The following VAV2 variants were observed in gnomAD, a reference collection of about 807,000 sequenced individuals.
The protein encoded by VAV2 is vav guanine nucleotide exchange factor 2, also known as guanine nucleotide exchange factor VAV2.
A neutral mutation model predicts 132.5 loss-of-function variants in VAV2; 67 were observed. The ratio of observed to expected loss-of-function variants is 0.51; its 90% CI spans 0.42 to 0.62. VAV2 has a LOEUF of 0.62. Among genes scored for constraint, VAV2 ranks in the 20% least tolerant of loss-of-function variants. The pLI is 0.00. For missense variants in VAV2, 938 were observed against 1,153.6 expected, an observed-to-expected ratio of 0.81 and a Z score of 2.71; for synonymous variants, 492 against 443.5, an observed-to-expected ratio of 1.11 and a Z score of -1.37.
intron 1 of VAV2, among the ~76,000 whole-genome samples, chr9:133,990,883 C>T: frequency 6.6e-6 from 1 of 152,086 alleles, no homozygotes; most frequent in Admixed American, 6.5e-5. Context: ...GCTGGGTAAT[C>T]ATTACCCAGT....
At position 133,804,988 on chromosome 9, in the gene VAV2, G is replaced by T. The variant is rs921652259; in HGVS notation, c.836+1093C>A. ...CTCCAGGACCCTCCTCACAGGGAAG[G>T]GGGGAGCGCCTTTCCTGAAGCTACA... On this transcript the variant is annotated intron_variant, in intron 9 of 29. Transcript: ENST00000371850. The surrounding 1 kb of genome is among the most constrained non-coding windows in gnomAD (Gnocchi z 4.5). Among the ~76,000 whole-genome samples, 12 of 152,162 alleles carry T rather than the reference G, an allele frequency of 7.9e-5. No individual in the cohort carries two copies. The highest frequency in any genetic ancestry group is 3.9e-4 in the Admixed American group (6 of 15,286).
intron 2 of VAV2, among the ~76,000 whole-genome samples, chr9:133,930,251 C>T (rs1387397591): frequency 6.6e-6 from 1 of 152,162 alleles, no homozygotes; most frequent in Non-Finnish European, 1.5e-5. Flanking sequence ...TCCTCACTGC[C>T]TCCCGGCCTC....
intron 1 of VAV2, among the ~76,000 whole-genome samples, chr9:133,980,211 GGA>G (rs1842650106): frequency 6.6e-6 from 1 of 152,214 alleles, no homozygotes; most frequent in Non-Finnish European, 1.5e-5. Context: ...TTTTGCCGGT[GGA>G]GGGGGGAAGT....
At chr9:133,916,325 G>A (rs12335977) in intron 2 of VAV2, among the ~76,000 whole-genome samples, 4,759 of 152,354 alleles carry the variant, frequency 0.031, 199 homozygotes, top group African/African-American at 0.092. Context: ...TGTGACTTGC[G>A]CTGAATGCTA....
chr9:133,805,548 C>T (rs981563828), intron 9 of VAV2, among the ~76,000 whole-genome samples: 3 of 151,966 alleles, frequency 2.0e-5, no homozygotes, highest in Admixed American at 6.6e-5. Context: ...CCCCCAGAAA[C>T]GCCGCCTCCC....
intron 2 of VAV2, chr9:133,927,666 C>G (rs1247767383): frequency 1.3e-5 from 2 of 152,540 alleles, no homozygotes; most frequent in East Asian, 3.9e-4. Context: ...CTCCCCTCTG[C>G]GTTTATCACT....
chr9:133,808,720 G>A (rs903940456), intron 7 of VAV2, among the ~76,000 whole-genome samples: 39 of 152,178 alleles, frequency 2.6e-4, no homozygotes, highest in Non-Finnish European at 8.8e-5. Context: ...TGGGGTGGGG[G>A]GAATACGCGA....
At chr9:133,970,300 G>A (rs1369757979) in intron 1 of VAV2, among the ~76,000 whole-genome samples, 3 of 152,270 alleles carry the variant, frequency 2.0e-5, no homozygotes, top group East Asian at 1.9e-4. Flanking sequence ...GAAAACCCCC[G>A]CCCGCCATGT....
At chr9:133,945,207 G>T (rs1841316094) in intron 1 of VAV2, among the ~76,000 whole-genome samples, 1 of 152,216 alleles carries the variant, frequency 6.6e-6, no homozygotes, top group Non-Finnish European at 1.5e-5. Context: ...CCTGTCTATG[G>T]GTTTCTGGGC....
chr9:133,776,328 T>C (rs933390722), intron 23 of VAV2, among the ~76,000 whole-genome samples: 1 of 152,218 alleles, frequency 6.6e-6, no homozygotes, highest in African/African-American at 2.4e-5. Flanking sequence ...CAGCTAACAC[T>C]GACTTGATCC....
chr9:133,783,364 G>A, intron 19 of VAV2, 139 bp downstream of exon 19: 1 of 761,940 alleles, frequency 1.3e-6, no homozygotes, highest in Non-Finnish European at 2.3e-6. Context: ...TGTCTGCTCT[G>A]GGGCACGTGA....
intron 29 of VAV2, among the ~76,000 whole-genome samples, chr9:133,767,052 T>C (rs1833462116): frequency 6.6e-6 from 1 of 151,772 alleles, no homozygotes; most frequent in Non-Finnish European, 1.5e-5. Context: ...TATTGATTAA[T>C]TCAAAAGTAG....
intron 1 of VAV2, among the ~76,000 whole-genome samples, chr9:133,983,088 G>A (rs919336988): frequency 5.9e-5 from 9 of 152,350 alleles, no homozygotes; most frequent in African/African-American, 2.2e-4. Flanking sequence ...GGGCAGTCAG[G>A]AGGGAGACCT....
At chr9:133,789,185 G>C in intron 14 of VAV2, 73 bp downstream of exon 14, 2 of 1,533,356 alleles carry the variant, frequency 1.3e-6, no homozygotes, top group Non-Finnish European at 9.0e-7. Flanking sequence ...GAGCCACTTA[G>C]GAGTGGCTCC....
At position 133,763,890 on chromosome 9, in the gene VAV2, G is replaced by A. The variant is rs1164706408; in HGVS notation, c.*172C>T. Reference sequence around the variant, plus strand: ...AGTGATGGGTCGCCGAGGGCAGGCTGACAGTGAAACGGTTCGAGTTTAGGA... The same window carrying A: ...AGTGATGGGTCGCCGAGGGCAGGCTAACAGTGAAACGGTTCGAGTTTAGGA... On this transcript the variant is annotated 3_prime_UTR_variant, in exon 30 of 30. Transcript: ENST00000371850. This position sits in a 1 kb window ranked among gnomAD's most constrained non-coding sequence, Gnocchi z 6.8. 1.3e-6 allele frequency: 1 copy of A among 764,302 alleles called. No individual in the cohort carries two copies. The highest frequency in any genetic ancestry group is 1.7e-5 in the African/African-American group (1 of 57,356). The allele number at this position is 764,302 out of a possible 1,614,324, so 47.3% of individuals were successfully genotyped here.
intron 23 of VAV2, among the ~76,000 whole-genome samples, chr9:133,776,508 G>T (rs1833817519): frequency 6.6e-6 from 1 of 152,138 alleles, no homozygotes; most frequent in Non-Finnish European, 1.5e-5. Flanking sequence ...CTCCCTCCCT[G>T]GCTACAGCCC....
chr9:133,864,288 G>A (rs748468703), intron 2 of VAV2, among the ~76,000 whole-genome samples: 8 of 152,234 alleles, frequency 5.3e-5, no homozygotes, highest in African/African-American at 1.2e-4. Context: ...GAGGAATGAT[G>A]TGCCACTCAA....
chr9:133,946,519 C>A (rs893738261), intron 1 of VAV2, among the ~76,000 whole-genome samples: 7 of 152,220 alleles, frequency 4.6e-5, no homozygotes, highest in African/African-American at 1.7e-4. Flanking sequence ...CCAGGAAGTA[C>A]CCACAGACAT....
chr9:133,770,282 G>A, intron 27 of VAV2, 96 bp downstream of exon 27: 7 of 1,567,914 alleles, frequency 4.5e-6, no homozygotes, highest in Non-Finnish European at 5.2e-6. Flanking sequence ...GGGACTCCTG[G>A]TCTGGGTCTG....
Sources: allele counts gnomAD v4.1 joint callset (sites outside exome capture counted in the v4.1 genomes callset), GRCh38; gene constraint gnomAD v4.1.1; non-coding constraint Gnocchi (gnomAD v3.1); transcripts MANE v1.5; gene names NCBI Gene and HGNC (gene_info 2026-07-23, HGNC 2026-07-21).